Variants in PELI2 observed in about 807,000 individuals in gnomAD.
PELI2 encodes the protein E3 ubiquitin-protein ligase pellino homolog 2.
In PELI2, 23 loss-of-function variants were observed where a neutral mutation model predicts 42.3. The observed-to-expected ratio is 0.54, with a 90% CI of 0.39 to 0.77. The LOEUF (loss-of-function observed/expected upper bound fraction) is 0.77. Among genes scored for constraint, PELI2 ranks in the 30% least tolerant of loss-of-function variants. The probability of loss-of-function intolerance (pLI) is 0.00; values close to 1 mark genes in which losing one functional copy is unlikely to be tolerated. For missense variants in PELI2, 463 were observed against 553.2 expected (o/e 0.84, Z 1.64); for synonymous variants, 245 against 212.2 (o/e 1.15, Z -1.34).
rs139983623 is a variant in PELI2, at chr14:56,279,282, T to A, written c.208-394T>A. Among the ~76,000 whole-genome samples, 558 of 152,292 alleles carry A rather than the reference T, an allele frequency of 3.7e-3. 1 individual carries two copies. Among genetic ancestry groups the A allele is most frequent in the Middle Eastern group, 0.02 (6 of 294 alleles). The stretch of plus-strand genomic sequence containing the variant: ...AATCTCTATCACCTAGGAAAAATAA[T>A]AATATGTGACTTATCTGTTGTGTGA... On this transcript the variant is annotated intron_variant, in intron 2 of 5. Transcript: ENST00000267460.
Position 56,256,098 on chromosome 14 carries a change from T to TC in PELI2, c.208-23577dup, listed in dbSNP as rs1303055061. 4.6e-5 allele frequency among the ~76,000 whole-genome samples: 7 copies of TC among 152,288 alleles called. No homozygotes were observed. The East Asian group carries it at 1.4e-3, about 29-fold the overall frequency. The stretch of plus-strand genomic sequence containing the variant: ...ATCTTAACTCCTGTGTCATCGGTGC[T>TC]CATGATGGAGTCAGTTTAGGTTAGG... On this transcript the variant is annotated intron_variant, in intron 2 of 5. Coordinates refer to ENST00000267460, the MANE Select transcript of PELI2 (RefSeq NM_021255.3).
At chr14:56,211,422 C>G (rs182715407) in intron 2 of PELI2, among the ~76,000 whole-genome samples, 9 of 152,340 alleles carry the variant, frequency 5.9e-5, no homozygotes, top group Admixed American at 3.3e-4. Context: ...CACTCCCCTC[C>G]CCCATCATGT....
intron 1 of PELI2, among the ~76,000 whole-genome samples, chr14:56,142,860 T>G (rs1267367472): frequency 6.6e-6 from 1 of 152,216 alleles, no homozygotes; most frequent in African/African-American, 2.4e-5. Flanking sequence ...TTTTTTTCTT[T>G]GCTTTTCATT....
At chr14:56,161,734 ATT>A (rs556243697) in intron 1 of PELI2, among the ~76,000 whole-genome samples, 1 of 151,856 alleles carries the variant, frequency 6.6e-6, no homozygotes, top group East Asian at 1.9e-4. Flanking sequence ...ATATATATAT[ATT>A]TTTTTTCAGT....
intron 2 of PELI2, among the ~76,000 whole-genome samples, chr14:56,257,517 A>G (rs546028266): frequency 2.0e-5 from 3 of 149,890 alleles, no homozygotes; most frequent in East Asian, 2.0e-4. Context: ...TTCTCTTTCT[A>G]TATATATATG....
rs771391698 is a variant in PELI2 at position 56,176,802 on chromosome 14, G to T, written c.78-1533G>T. ...TACATAGCAAGCCTTGCCAGATCTTGTACTAATTGTGTGTAGGCTACAGTA... is the reference window on the plus strand; with the variant it reads ...TACATAGCAAGCCTTGCCAGATCTTTTACTAATTGTGTGTAGGCTACAGTA... On this transcript the variant is annotated intron_variant, in intron 1 of 5. Coordinates refer to ENST00000267460, the MANE Select transcript of PELI2 (RefSeq NM_021255.3). Among the ~76,000 whole-genome samples, 80 of 152,358 alleles carry T rather than the reference G, an allele frequency of 5.3e-4. 2 individuals carry two copies. The highest frequency in any genetic ancestry group is 2.4e-4 in the Non-Finnish European group (16 of 68,036).
intron 2 of PELI2, among the ~76,000 whole-genome samples, chr14:56,228,100 A>G (rs144266782): frequency 2.0e-5 from 3 of 152,398 alleles, no homozygotes; most frequent in African/African-American, 4.8e-5. Context: ...ATAGAAGGCC[A>G]TGCTTTCAAA....
chr14:56,181,033 C>G (rs1885558716), intron 2 of PELI2, among the ~76,000 whole-genome samples: 1 of 152,204 alleles, frequency 6.6e-6, no homozygotes, highest in South Asian at 2.1e-4. Flanking sequence ...GACTCCGTAG[C>G]ATCTATAGCT....
chr14:56,277,297 C>T (rs1031244620), intron 2 of PELI2, among the ~76,000 whole-genome samples: 2 of 152,066 alleles, frequency 1.3e-5, no homozygotes, highest in Non-Finnish European at 2.9e-5. Flanking sequence ...CCTGTCAGAT[C>T]AGCGGTGGCA....
At chr14:56,252,128 T>G (rs759136709) in intron 2 of PELI2, among the ~76,000 whole-genome samples, 4 of 152,220 alleles carry the variant, frequency 2.6e-5, no homozygotes, top group Non-Finnish European at 5.9e-5. Flanking sequence ...TACCAGAAAT[T>G]GTGCAGTAAG....
At position 56,180,315 on chromosome 14, in the gene PELI2, G is replaced by T. The variant is rs188830378; in HGVS notation, c.207+1851G>T. On this transcript the variant is annotated intron_variant, in intron 2 of 5. Transcript: ENST00000267460. This position sits in a 1 kb window ranked among gnomAD's most constrained non-coding sequence, Gnocchi z 4.4. ...AAAATATACTTTGTTCATAACAATA[G>T]AAATTATTCTGGCTAAGATAAAACA... Among the ~76,000 whole-genome samples, 86 of 152,238 alleles carry T rather than the reference G, an allele frequency of 5.6e-4. 1 individual carries two copies. The highest frequency in any genetic ancestry group is 5.0e-3 in the East Asian group (26 of 5,186).
At chr14:56,265,195 A>G (rs990552767) in intron 2 of PELI2, among the ~76,000 whole-genome samples, 2 of 152,170 alleles carry the variant, frequency 1.3e-5, no homozygotes, top group African/African-American at 4.8e-5. Flanking sequence ...GCTTTGAAAC[A>G]TAAGAACAGA....
intron 2 of PELI2, among the ~76,000 whole-genome samples, chr14:56,229,063 A>G (rs1392335555): frequency 1.3e-5 from 2 of 152,228 alleles, no homozygotes; most frequent in African/African-American, 4.8e-5. Flanking sequence ...GGCGTCTGCC[A>G]TTGCTGAGGC....
intron 2 of PELI2, among the ~76,000 whole-genome samples, chr14:56,263,975 A>C (rs1227850459): frequency 2.0e-5 from 3 of 152,210 alleles, no homozygotes; most frequent in Non-Finnish European, 4.4e-5. Context: ...TGTAAAACAC[A>C]GTTGATGCTC....
chr14:56,294,898 G>A (rs1889949653), intron 5 of PELI2, among the ~76,000 whole-genome samples: 1 of 152,190 alleles, frequency 6.6e-6, no homozygotes, highest in Non-Finnish European at 1.5e-5. Flanking sequence ...CTTAATGGAT[G>A]TGGAAGCCAG....
intron 1 of PELI2, among the ~76,000 whole-genome samples, chr14:56,173,374 A>G (rs1885250030): frequency 6.6e-6 from 1 of 152,050 alleles, no homozygotes; most frequent in Non-Finnish European, 1.5e-5. Flanking sequence ...CTTGGGTTTT[A>G]GGCATTCATA....
Position 56,247,068 on chromosome 14 carries a change from G to A in PELI2, c.208-32608G>A, listed in dbSNP as rs192720914. On this transcript the variant is annotated intron_variant, in intron 2 of 5. Transcript: ENST00000267460. Reference sequence around the variant, plus strand: ...GAATGTGTACCTGTGTCTCTGAAAAGATTGAGTTAATAAATATAATGGACC... The same window carrying A: ...GAATGTGTACCTGTGTCTCTGAAAAAATTGAGTTAATAAATATAATGGACC... Among the ~76,000 whole-genome samples, 129 of 152,240 alleles carry A rather than the reference G, an allele frequency of 8.5e-4. 4 individuals carry two copies. Among genetic ancestry groups the A allele is most frequent in the Admixed American group, 7.1e-3 (108 of 15,292 alleles).
intron 1 of PELI2, among the ~76,000 whole-genome samples, chr14:56,160,197 A>G (rs1203127349): frequency 6.6e-6 from 1 of 152,122 alleles, no homozygotes; most frequent in Non-Finnish European, 1.5e-5. Flanking sequence ...TGGGGTTGGG[A>G]GTCAGTCGAG....
rs1384933723 is a variant in PELI2, at chr14:56,177,189, AC to A, written c.78-1145del. Among the ~76,000 whole-genome samples the A allele has an allele frequency of 8.5e-5, 13 of 152,346 alleles. No individual in the cohort carries two copies. The East Asian group carries it at 2.5e-3, about 29-fold the overall frequency. ...AATTTGAAACCATTGTCAGACTGTG[AC>A]GCTGACTTGACTGGTGAAACAAACA... is the stretch of plus-strand genomic sequence containing the variant. On this transcript the variant is annotated intron_variant, in intron 1 of 5. Coordinates refer to ENST00000267460, the MANE Select transcript of PELI2 (RefSeq NM_021255.3).
Sources: allele counts gnomAD v4.1 joint callset (sites outside exome capture counted in the v4.1 genomes callset), GRCh38; gene constraint gnomAD v4.1.1; non-coding constraint Gnocchi (gnomAD v3.1); transcripts MANE v1.5; gene names NCBI Gene and HGNC (gene_info 2026-07-23, HGNC 2026-07-21).